Variants in TMF1 observed in about 807,000 individuals in gnomAD.
TMF1 encodes TATA element modulatory factor.
In TMF1, 71 loss-of-function variants were observed where a neutral mutation model predicts 126.5. That is an observed-to-expected ratio of 0.56 (90% CI 0.46 to 0.68). The LOEUF is 0.68. Among genes scored for constraint, TMF1 ranks in the 30% least tolerant of loss-of-function variants. The pLI, the probability that TMF1 is intolerant of heterozygous loss-of-function variation, is 0.00. For synonymous variants in TMF1, 461 were observed against 430.5 expected (o/e 1.07, Z -0.88); for missense variants, 1,259 against 1,253.2 (o/e 1.00, Z -0.07).
At chr3:69,023,451 T>A in intron 16 of TMF1, 131 bp from the exon 17 acceptor site, 1 of 769,604 alleles carries the variant, frequency 1.3e-6, no homozygotes, top group South Asian at 2.2e-5. Context: ...CTTTTAAAAA[T>A]TAAACTCACA....
At position 69,021,021 on chromosome 3, in the gene TMF1, C is replaced by T; in HGVS notation, c.*2156G>A. The T allele has an allele frequency of 6.6e-6, 1 of 152,118 alleles. No homozygotes were observed. The highest frequency in any genetic ancestry group is 1.9e-4 in the East Asian group (1 of 5,190). The allele number at this position is 152,118 out of a possible 1,614,324, so 9.4% of individuals were successfully genotyped here. The stretch of plus-strand genomic sequence containing the variant: ...TTCATATAGAGTAGTCTCCCCTTAT[C>T]CACGATTTTGCTTTCTGTGGTTTCG... On this transcript the variant is annotated 3_prime_UTR_variant, in exon 17 of 17. Coordinates refer to ENST00000398559, the MANE Select transcript of TMF1 (RefSeq NM_007114.3).
intron 1 of TMF1, among the ~76,000 whole-genome samples, chr3:69,050,197 C>T (rs1459955923): frequency 6.6e-6 from 1 of 150,514 alleles, no homozygotes; most frequent in East Asian, 1.9e-4. Context: ...GAGACAGAAT[C>T]TGCAGTGAAC....
Position 69,030,356 on chromosome 3 carries a change from T to C in TMF1, c.2402-349A>G, listed in dbSNP as rs567238650. ...ACGAAAATTAACTCAAAATGGATCA[T>C]AGACTTATATGTAAAACATGAAACT... On this transcript the variant is annotated intron_variant, in intron 10 of 16. Transcript: ENST00000398559. The C allele has an allele frequency of 2.1e-4, 35 of 170,204 alleles. No homozygotes were observed. In the East Asian group the frequency reaches 4.6e-3, roughly 22 times the overall value. The allele number at this position is 170,204 out of a possible 1,614,324, so 10.5% of individuals were successfully genotyped here.
chr3:69,051,379 G>A (rs369987060), intron 1 of TMF1, among the ~76,000 whole-genome samples: 1 of 152,250 alleles, frequency 6.6e-6, no homozygotes, highest in African/African-American at 2.4e-5. Flanking sequence ...GGAGGCTGGG[G>A]AAGGAGAATC....
intron 15 of TMF1, chr3:69,025,215 G>A (rs2091761683): frequency 5.2e-6 from 1 of 192,740 alleles, no homozygotes; most frequent in Non-Finnish European, 1.1e-5. Flanking sequence ...TATTCTGTTG[G>A]GAAAGAGCTG....
chr3:69,038,542 T>C lies in TMF1; in HGVS notation c.2151+22A>G, dbSNP rs764845155. ...TAAACAAATATTTTTAAAACTACTC[T>C]AATTCATCATCCATTGCTTACTTGA... is the stretch of plus-strand genomic sequence containing the variant. On this transcript the variant is annotated intron_variant, in intron 8 of 16. Transcript: ENST00000398559. 2.5e-6 allele frequency: 4 copies of C among 1,605,352 alleles called. No individual in the cohort carries two copies. In the African/African-American group the frequency reaches 5.4e-5, roughly 22 times the overall value.
In TMF1 at chr3:69,048,308, A is replaced by G. The variant is rs1173802908; in HGVS notation, c.397T>C (p.Leu133=). ...TGGCCAATGTGCAAGGATTCATGTA[A>G]GCTGCTTTTCACTTCTTCTTCTGGT... ...QRPEEEVKSS[L]HESLHIGQSR... is the part of the protein sequence containing the mutation. The change falls in exon 2 of 17, where the codon TTA becomes CTA. Residue 133 remains leucine, a synonymous_variant. Transcript: ENST00000398559. The G allele has an allele frequency of 2.5e-6, 4 of 1,614,202 alleles. No homozygotes were observed.
Position 69,047,610 on chromosome 3 carries a change from T to G in TMF1, c.1095A>C (p.Pro365=), listed in dbSNP as rs758517291. ...CAGCAGATTCAACTGTTTTAGACTT[T>G]GGAGTTGAAGAATTAACTATAATAG... ...LVPIIVNSST[P]KSKTVESAEG... The change falls in exon 2 of 17, where the codon CCA becomes CCC. Residue 365 remains proline (P), a synonymous_variant. Transcript: ENST00000398559. 2 of 1,614,156 alleles carry G rather than the reference T, an allele frequency of 1.2e-6. No individual in the cohort carries two copies. The highest frequency in any genetic ancestry group is 3.3e-5 in the Admixed American group (2 of 60,022).
chr3:69,022,014 G>C lies in TMF1; in HGVS notation c.*1163C>G, dbSNP rs1342060277. 6.6e-6 allele frequency: 1 copy of C among 152,568 alleles called. No homozygotes were observed. Among genetic ancestry groups the C allele is most frequent in the Non-Finnish European group, 1.5e-5 (1 of 68,026 alleles). The allele number at this position is 152,568 out of a possible 1,614,324, so 9.5% of individuals were successfully genotyped here. A position where few individuals can be genotyped will look rare whatever the true frequency, so the allele number is the denominator to read the frequency against. On this transcript the variant is annotated 3_prime_UTR_variant, in exon 17 of 17. Transcript: ENST00000398559. ...TGAGAGTTTTTATGTGCAAGTAAAG[G>C]CAGTTAAATAACTTTCAGTAATAAA...
intron 12 of TMF1, 58 bp downstream of exon 12, chr3:69,028,168 A>G (rs966427478): frequency 1.4e-6 from 2 of 1,457,094 alleles, no homozygotes; most frequent in Middle Eastern, 1.7e-4. Context: ...ATTTGCTGCC[A>G]TCCCCAACCA....
At chr3:69,027,091 G>A (rs939213127) in intron 13 of TMF1, among the ~76,000 whole-genome samples, 1 of 152,068 alleles carries the variant, frequency 6.6e-6, no homozygotes, top group African/African-American at 2.4e-5. Context: ...CGCCTCCCGG[G>A]TTCAAGCAAT....
In TMF1 at chr3:69,042,882, T is replaced by C. The variant is rs1223867098; in HGVS notation, c.1609A>G (p.Thr537Ala). ...GCAGTTTCACTACTATTTAATCTAG[T>C]GGCAAGTTCTTCTTTTATGTTTTTG... is the stretch of plus-strand genomic sequence containing the variant. ...EIKNIKEELA[T>A]RLNSSETADL... Residue 537 changes from threonine to alanine, a missense_variant, in exon 5 of 17, where the codon ACT (threonine) becomes GCT (alanine). Thr to Ala is a moderately conservative substitution (Grantham distance 58). Coordinates refer to ENST00000398559, the MANE Select transcript of TMF1 (RefSeq NM_007114.3). 6.2e-7 allele frequency: 1 copy of C among 1,613,226 alleles called. No individual in the cohort carries two copies. The highest frequency in any genetic ancestry group is 8.5e-7 in the Non-Finnish European group (1 of 1,179,556).
intron 7 of TMF1, 32 bp from the exon 8 acceptor site, chr3:69,038,752 G>T: frequency 1.9e-6 from 3 of 1,597,206 alleles, no homozygotes; most frequent in South Asian, 1.1e-5. Flanking sequence ...TATAAATGTT[G>T]CCAGTGATCA....
At position 69,048,329 on chromosome 3, in the gene TMF1, C is replaced by T. The variant is rs142042513; in HGVS notation, c.376G>A (p.Glu126Lys). ...SKPPAKSQRP[E>K]EEVKSSLHES... ...TGTAAGCTGCTTTTCACTTCTTCTT[C>T]TGGTCGTTGTGATTTTGCTGGAGGT... Residue 126 changes from glutamate to lysine, a missense_variant, in exon 2 of 17, where the codon GAA becomes AAA. By Grantham distance (56) the Glu-to-Lys change is moderately conservative. Coordinates refer to ENST00000398559, the MANE Select transcript of TMF1 (RefSeq NM_007114.3). 1.4e-5 allele frequency: 22 copies of T among 1,614,194 alleles called. No individual in the cohort carries two copies. In the East Asian group the frequency reaches 3.1e-4, roughly 23 times the overall value.
At chr3:69,028,116 C>T in intron 12 of TMF1, 110 bp downstream of exon 12, 1 of 1,167,556 alleles carries the variant, frequency 8.6e-7, no homozygotes, top group Non-Finnish European at 1.2e-6. Flanking sequence ...GACCAAGTTC[C>T]AAAAGCAGTG....
At chr3:69,028,636 GT>G (rs1452638179) in intron 11 of TMF1, among the ~76,000 whole-genome samples, 1 of 152,122 alleles carries the variant, frequency 6.6e-6, no homozygotes, top group African/African-American at 2.4e-5. Flanking sequence ...CTATGAAAAT[GT>G]TTCTAAAAGT....
At chr3:69,039,128 G>T in intron 6 of TMF1, 119 bp from the exon 7 acceptor site, 1 of 917,016 alleles carries the variant, frequency 1.1e-6, no homozygotes, top group Non-Finnish European at 1.5e-6. Flanking sequence ...ACAAAGTCTC[G>T]CTCTATTGCC....
At position 69,021,680 on chromosome 3, in the gene TMF1, AGTTT is replaced by A. The variant is rs1229063812; in HGVS notation, c.*1493_*1496del. 2.0e-5 allele frequency: 3 copies of A among 150,098 alleles called. No individual in the cohort carries two copies. The highest frequency in any genetic ancestry group is 3.0e-5 in the Non-Finnish European group (2 of 67,090). 9.3% of individuals were successfully genotyped at this position (150,098 alleles called of 1,614,324 possible). A position where few individuals can be genotyped will look rare whatever the true frequency, so the allele number is the denominator to read the frequency against. ...TAATTTTAACTAAAAATTAAATAAG[AGTTT>A]GTTTTTTTTTTTTTGAGACGGAGTC... On this transcript the variant is annotated 3_prime_UTR_variant, in exon 17 of 17. Transcript: ENST00000398559.
At position 69,043,624 on chromosome 3, in the gene TMF1, A is replaced by G. The variant is rs1460026091; in HGVS notation, c.1578+126T>C. On this transcript the variant is annotated intron_variant, in intron 4 of 16. Transcript: ENST00000398559. ...ACGTGGCCAAAAATCTACAATTTAA[A>G]TGTTAATAGATGATATCCTTTTCAC... 3 of 936,842 alleles carry G rather than the reference A, an allele frequency of 3.2e-6. No homozygotes were observed. The East Asian group carries it at 8.5e-5, about 27-fold the overall frequency. The allele number at this position is 936,842 out of a possible 1,614,324, so 58.0% of individuals were successfully genotyped here.
Sources: allele counts gnomAD v4.1 joint callset (sites outside exome capture counted in the v4.1 genomes callset), GRCh38; gene constraint gnomAD v4.1.1; transcripts MANE v1.5; gene names NCBI Gene and HGNC (gene_info 2026-07-23, HGNC 2026-07-21).